Variants in ATXN2L observed in about 807,000 individuals in gnomAD.
ATXN2L encodes the protein ataxin-2-like protein.
In ATXN2L, 24 loss-of-function variants were observed where a neutral mutation model predicts 120.7. That is an observed-to-expected ratio of 0.20 (90% CI 0.14 to 0.28). ATXN2L has a LOEUF of 0.28. ATXN2L is among the 10% of genes least tolerant of loss of function. ATXN2L has a pLI of 1.00. For missense variants in ATXN2L, 1,312 were observed against 1,432.3 expected (o/e 0.92, Z 1.36); for synonymous variants, 653 against 568.1 (o/e 1.15, Z -2.13).
intron 1 of ATXN2L, chr16:28,824,454 C>T: frequency 3.1e-6 from 4 of 1,287,426 alleles, no homozygotes; most frequent in Non-Finnish European, 4.0e-6. Context: ...GTCCCCCAGC[C>T]CCGCCAGCGG....
chr16:28,827,008 A>T, intron 6 of ATXN2L, 22 bp downstream of exon 6: 1 of 1,431,498 alleles, frequency 7.0e-7, no homozygotes, highest in African/African-American at 1.4e-5. Context: ...TTCCCTGAGA[A>T]CTTGGGAGCT....
rs1404614746 is a variant in ATXN2L at position 28,834,098 on chromosome 16, C to T, written c.2059C>T (p.Pro687Ser). ...KSTSTPTSPG[P>S]RTHSTPSIPV... ...CACCAGTACCCCAACTTCTCCGGGG[C>T]CCCGGACTCATTCAACTCCCTCCAT... is the stretch of plus-strand genomic sequence containing the variant. Residue 687 changes from proline (P) to serine (S), a missense_variant, in exon 16 of 22, where the codon CCC (proline) becomes TCC (serine). Coordinates refer to ENST00000336783, the MANE Select transcript of ATXN2L (RefSeq NM_007245.4). The T allele has an allele frequency of 1.9e-6, 3 of 1,614,046 alleles. No homozygotes were observed. Among genetic ancestry groups the T allele is most frequent in the African/African-American group, 1.3e-5 (1 of 74,918 alleles).
chr16:28,836,483 G>A lies in ATXN2L; in HGVS notation c.*218G>A, dbSNP rs1960873723. The A allele has an allele frequency of 3.7e-6, 6 of 1,609,748 alleles. No individual in the cohort carries two copies. The highest frequency in any genetic ancestry group is 2.2e-5 in the East Asian group (1 of 44,848). The stretch of plus-strand genomic sequence containing the variant: ...ACCCCGACTGTCTCCTGACTTAGCC[G>A]AGGTAAGGTCAGTGCAGCAGACAGG... On this transcript the variant is annotated 3_prime_UTR_variant, in exon 22 of 22. Coordinates refer to ENST00000336783, the MANE Select transcript of ATXN2L (RefSeq NM_007245.4).
intron 6 of ATXN2L, among the ~76,000 whole-genome samples, chr16:28,828,412 C>T (rs948555218): frequency 6.6e-6 from 1 of 152,078 alleles, no homozygotes; most frequent in Non-Finnish European, 1.5e-5. Flanking sequence ...CGTGGAGAAG[C>T]CCCATCTCTA....
intron 1 of ATXN2L, 80 bp from the exon 2 acceptor site, chr16:28,825,286 C>T (rs2051441841): frequency 2.2e-6 from 3 of 1,344,462 alleles, no homozygotes; most frequent in South Asian, 1.2e-5. Context: ...GTGGTATATA[C>T]TTCTAGGATT....
intron 18 of ATXN2L, 89 bp from the exon 19 acceptor site, chr16:28,834,969 C>T (rs1959687197): frequency 6.6e-7 from 1 of 1,503,910 alleles, no homozygotes; most frequent in Admixed American, 2.0e-5. Context: ...TGTGAGGAGG[C>T]CCAAGCGGTG....
chr16:28,829,760 T>A lies in ATXN2L; in HGVS notation c.834-98T>A. Reference sequence around the variant, plus strand: ...ATGTTGAAGGGATTAAATACTTCCATGCCTGAACTGGTGATTGGACTTGTT... The same window carrying A: ...ATGTTGAAGGGATTAAATACTTCCAAGCCTGAACTGGTGATTGGACTTGTT... On this transcript the variant is annotated intron_variant, in intron 7 of 21. Transcript: ENST00000336783. 3.9e-6 allele frequency: 5 copies of A among 1,297,194 alleles called. No homozygotes were observed. In the South Asian group the frequency reaches 6.2e-5, roughly 16 times the overall value. 80.4% of individuals were successfully genotyped at this position (1,297,194 alleles called of 1,614,324 possible).
At chr16:28,830,126 T>G in intron 8 of ATXN2L, 68 bp downstream of exon 8, 328 of 1,436,740 alleles carry the variant, frequency 2.3e-4, no homozygotes, top group Non-Finnish European at 2.9e-4. Context: ...GGCCCAGAGT[T>G]GATGAGTGCT....
rs1241277302 is a variant in ATXN2L at position 28,835,235 on chromosome 16, C to A, written c.2564-43C>A. 4 of 1,612,078 alleles carry A rather than the reference C, an allele frequency of 2.5e-6. No individual in the cohort carries two copies. The African/African-American group carries it at 4.0e-5, about 16-fold the overall frequency. On this transcript the variant is annotated intron_variant, in intron 19 of 21. Coordinates refer to ENST00000336783, the MANE Select transcript of ATXN2L (RefSeq NM_007245.4). ...CTGCTCTGGGCTGTGTGCCAGCCCC[C>A]TCTGGTGTGCTCAGCACTGGTTCTC...
In ATXN2L at chr16:28,826,312, G is replaced by A; in HGVS notation, c.538G>A (p.Val180Met). 2 of 1,614,194 alleles carry A rather than the reference G, an allele frequency of 1.2e-6. No homozygotes were observed. Among genetic ancestry groups the A allele is most frequent in the Non-Finnish European group, 1.7e-6 (2 of 1,180,026 alleles). The change falls in exon 5 of 22, where the codon GTG (valine) becomes ATG (methionine). Residue 180 changes from valine (V) to methionine (M), a missense_variant. Val to Met is a conservative substitution (Grantham distance 21, BLOSUM62 1). Coordinates refer to ENST00000336783, the MANE Select transcript of ATXN2L (RefSeq NM_007245.4). ...PAGGPRREDI[V>M]DTMVFKPSDV... ...AGGTGGCCCTCGTCGGGAGGACATT[G>A]TGGACACCATGGTGTTTAAGCCAAG...
intron 4 of ATXN2L, 114 bp downstream of exon 4, chr16:28,825,955 T>A: frequency 9.2e-7 from 1 of 1,088,450 alleles, no homozygotes. Context: ...GTTGTTTCTG[T>A]AGGCCTGTGC....
At chr16:28,832,617 G>GA in intron 12 of ATXN2L, 50 bp downstream of exon 12, 1 of 1,579,866 alleles carries the variant, frequency 6.3e-7, no homozygotes, top group African/African-American at 1.3e-5. Flanking sequence ...TTGTCTGGGG[G>GA]AGAGTATTTC....
In ATXN2L at chr16:28,823,232, T is replaced by C. The variant is rs772716756; in HGVS notation, c.-28T>C. ...CGGCCCCCTCTCTCCCTCCCTTCTC[T>C]CTAATTCCCCTTCCGGACGCTGCCA... On this transcript the variant is annotated 5_prime_UTR_variant, in exon 1 of 22. Coordinates refer to ENST00000336783, the MANE Select transcript of ATXN2L (RefSeq NM_007245.4). 2 of 1,389,332 alleles carry C rather than the reference T, an allele frequency of 1.4e-6. No individual in the cohort carries two copies. The highest frequency in any genetic ancestry group is 1.5e-5 in the African/African-American group (1 of 64,944). The allele number at this position is 1,389,332 out of a possible 1,614,324, so 86.1% of individuals were successfully genotyped here.
At position 28,836,831 on chromosome 16, in the gene ATXN2L, A is replaced by C. The variant is rs776075845; in HGVS notation, c.*566A>C. 9 of 1,608,334 alleles carry C rather than the reference A, an allele frequency of 5.6e-6. No individual in the cohort carries two copies. The Admixed American group carries it at 1.2e-4, about 21-fold the overall frequency. On this transcript the variant is annotated 3_prime_UTR_variant, in exon 22 of 22. Coordinates refer to ENST00000336783, the MANE Select transcript of ATXN2L (RefSeq NM_007245.4). ...CCATGAGTGGAGGGAAGAGTGATCT[A>C]TGTCTCTTCCCCCAGCAGCTCGGAC...
chr16:28,826,910 A>G lies in ATXN2L; in HGVS notation c.665A>G (p.Glu222Gly). Residue 222 changes from glutamate to glycine, a missense_variant, in exon 6 of 22, where the codon GAA becomes GGA. Transcript: ENST00000336783. ...AIAMNSKVNG[E>G]HKEKVLQRWE... ...GCCATGAACTCGAAAGTGAATGGGG[A>G]ACACAAAGAGAAGGTGCTTCAGCGC... is the stretch of plus-strand genomic sequence containing the variant. The G allele has an allele frequency of 6.2e-7, 1 of 1,600,438 alleles. No individual in the cohort carries two copies. Among genetic ancestry groups the G allele is most frequent in the Non-Finnish European group, 8.5e-7 (1 of 1,171,482 alleles).
intron 6 of ATXN2L, 31 bp downstream of exon 6, chr16:28,827,017 C>T (rs759977070): frequency 1.4e-6 from 2 of 1,416,360 alleles, no homozygotes; most frequent in South Asian, 1.7e-5. Flanking sequence ...AACTTGGGAG[C>T]TGGACAGACA....
Position 28,837,222 on chromosome 16 carries a change from T to G in ATXN2L, c.*957T>G, listed in dbSNP as rs1157841261. 2 of 174,158 alleles carry G rather than the reference T, an allele frequency of 1.1e-5. No individual in the cohort carries two copies. The highest frequency in any genetic ancestry group is 3.4e-4 in the East Asian group (2 of 5,934). 10.8% of individuals were successfully genotyped at this position (174,158 alleles called of 1,614,324 possible). On this transcript the variant is annotated 3_prime_UTR_variant, in exon 22 of 22. Coordinates refer to ENST00000336783, the MANE Select transcript of ATXN2L (RefSeq NM_007245.4). Reference sequence around the variant, plus strand: ...TAAAAAATAAATAAAAAAAATAAAATTTTAAACTAACTTAACCTGCCTGGA... The same window carrying G: ...TAAAAAATAAATAAAAAAAATAAAAGTTTAAACTAACTTAACCTGCCTGGA...
At chr16:28,829,553 A>C (rs1465759889) in intron 7 of ATXN2L, 61 bp downstream of exon 7, 47 of 1,256,062 alleles carry the variant, frequency 3.7e-5, no homozygotes, top group Non-Finnish European at 5.3e-5. Context: ...AAGTGAAGAC[A>C]GGTTTCCAGG....
At chr16:28,831,163 A>G (rs923051216) in intron 10 of ATXN2L, 91 bp downstream of exon 10, 3 of 922,710 alleles carry the variant, frequency 3.3e-6, no homozygotes, top group African/African-American at 3.4e-5. Flanking sequence ...GGAATGGGAG[A>G]TAATTTTAAG....
Sources: allele counts gnomAD v4.1 joint callset (sites outside exome capture counted in the v4.1 genomes callset), GRCh38; gene constraint gnomAD v4.1.1; transcripts MANE v1.5; gene names NCBI Gene and HGNC (gene_info 2026-07-23, HGNC 2026-07-21).